Variants in ATP9B observed in about 807,000 individuals in gnomAD.
ATP9B encodes the protein ATPase phospholipid transporting 9B.
A neutral mutation model predicts 146.1 loss-of-function variants in ATP9B; 110 were observed. The observed-to-expected ratio is 0.75, with a 90% CI of 0.65 to 0.88. The LOEUF (loss-of-function observed/expected upper bound fraction) is 0.88, where lower values mean the gene tolerates loss of function less well. Ranked by LOEUF, ATP9B falls within the 40% of genes least tolerant of loss-of-function variation. The probability of loss-of-function intolerance (pLI) is 0.00; values close to 1 mark genes in which losing one functional copy is unlikely to be tolerated. For missense variants in ATP9B, 1,499 were observed against 1,496.4 expected, an observed-to-expected ratio of 1.00 and a Z score of -0.03; for synonymous variants, 604 against 569.7, an observed-to-expected ratio of 1.06 and a Z score of -0.86.
chr18:79,069,601 G>A, intron 1 of ATP9B, 72 bp downstream of exon 1: 1 of 1,036,770 alleles, frequency 9.6e-7, no homozygotes, highest in Non-Finnish European at 1.3e-6. Flanking sequence ...CAGGAACCCG[G>A]AGCCGGGCGG....
chr18:79,201,695 G>A (rs972712165), intron 9 of ATP9B, among the ~76,000 whole-genome samples: 13 of 152,000 alleles, frequency 8.6e-5, no homozygotes, highest in Middle Eastern at 3.2e-3. Flanking sequence ...TCAGCCTCCC[G>A]AGCAGTTGGG....
intron 6 of ATP9B, among the ~76,000 whole-genome samples, chr18:79,152,283 TC>T (rs2094702451): frequency 6.6e-6 from 1 of 152,234 alleles, no homozygotes; most frequent in South Asian, 2.1e-4. Flanking sequence ...CTAATAAGAT[TC>T]AATACTTTTT....
At position 79,374,595 on chromosome 18, in the gene ATP9B, C is replaced by T. The variant is rs187462385; in HGVS notation, c.3274+494C>T. Among the ~76,000 whole-genome samples the T allele has an allele frequency of 2.6e-5, 4 of 152,332 alleles. No individual in the cohort carries two copies. The East Asian group carries it at 5.8e-4, about 22-fold the overall frequency. On this transcript the variant is annotated intron_variant, in intron 28 of 29. Coordinates refer to ENST00000426216, the MANE Select transcript of ATP9B (RefSeq NM_198531.5). ...CCCTGACATGAGCAGCACAGCCACT[C>T]GGGAGCAGTTGGGACTCAGACCTGC...
At chr18:79,288,437 C>G (rs1223124393) in intron 13 of ATP9B, among the ~76,000 whole-genome samples, 2 of 152,046 alleles carry the variant, frequency 1.3e-5, no homozygotes, top group African/African-American at 4.8e-5. Flanking sequence ...GATTGCAACC[C>G]CTGCCTTTTT....
intron 8 of ATP9B, among the ~76,000 whole-genome samples, chr18:79,189,452 C>A (rs1019162703): frequency 6.6e-6 from 1 of 152,132 alleles, no homozygotes; most frequent in South Asian, 2.1e-4. Context: ...CAATCCCCCA[C>A]GCAGTCAAAC....
At chr18:79,183,515 C>G (rs1339073176) in intron 8 of ATP9B, among the ~76,000 whole-genome samples, 1 of 151,986 alleles carries the variant, frequency 6.6e-6, no homozygotes, top group Non-Finnish European at 1.5e-5. Context: ...TAAGTCTGTT[C>G]ATGTTATCTG....
In ATP9B at chr18:79,337,333, G is replaced by A. The variant is rs140060049; in HGVS notation, c.2167G>A (p.Ala723Thr). Residue 723 changes from alanine (A) to threonine (T), a missense_variant, in exon 19 of 30, where the codon GCG becomes ACG. By Grantham distance (58) the Ala-to-Thr change is moderately conservative (BLOSUM62 0). Coordinates refer to ENST00000426216, the MANE Select transcript of ATP9B (RefSeq NM_198531.5). ...GCACGACAGGTCCCTCAAGGTGGCC[G>A]CGGTAGTCGAGAGCCTGGAGAGGGA... ...SMHDRSLKVA[A>T]VVESLEREME... 56 of 1,614,100 alleles carry A rather than the reference G, an allele frequency of 3.5e-5. No individual in the cohort carries two copies. Among genetic ancestry groups the A allele is most frequent in the Middle Eastern group, 1.6e-4 (1 of 6,062 alleles).
chr18:79,328,024 A>G (rs1338295901), intron 15 of ATP9B, among the ~76,000 whole-genome samples: 1 of 147,922 alleles, frequency 6.8e-6, no homozygotes, highest in Non-Finnish European at 1.5e-5. Flanking sequence ...CTCCGTGGTT[A>G]GCGTGCTCTC....
At chr18:79,116,882 C>T (rs1260027532) in intron 4 of ATP9B, among the ~76,000 whole-genome samples, 1 of 111,726 alleles carries the variant, frequency 9.0e-6, no homozygotes, top group African/African-American at 3.7e-5. Flanking sequence ...TGTAACTAAC[C>T]TGCACAATGT....
intron 11 of ATP9B, among the ~76,000 whole-genome samples, chr18:79,214,619 A>G (rs1029535618): frequency 2.0e-5 from 3 of 152,354 alleles, no homozygotes; most frequent in South Asian, 2.1e-4. Flanking sequence ...TGCTATCATC[A>G]TGATACCATA....
chr18:79,099,207 C>A (rs574538816), intron 2 of ATP9B, among the ~76,000 whole-genome samples: 59 of 151,732 alleles, frequency 3.9e-4, no homozygotes, highest in African/African-American at 1.4e-3. Context: ...TTTCTTTTTT[C>A]TTTTCTTTTC....
At chr18:79,335,189 C>T (rs1347292581) in intron 17 of ATP9B, among the ~76,000 whole-genome samples, 2 of 152,226 alleles carry the variant, frequency 1.3e-5, no homozygotes, top group African/African-American at 2.4e-5. Flanking sequence ...TAACTATGAG[C>T]AGGCTCGTTC....
chr18:79,226,605 TC>T (rs917073926), intron 11 of ATP9B, among the ~76,000 whole-genome samples: 1 of 152,178 alleles, frequency 6.6e-6, no homozygotes, highest in African/African-American at 2.4e-5. Context: ...CCACGAGACT[TC>T]CCACGCCCTG....
intron 8 of ATP9B, among the ~76,000 whole-genome samples, chr18:79,178,612 T>A (rs914019561): frequency 6.6e-6 from 1 of 152,222 alleles, no homozygotes; most frequent in Non-Finnish European, 1.5e-5. Context: ...TTTCTGTATC[T>A]GTAGGGATGA....
At chr18:79,237,143 AG>A (rs2144591568) in intron 11 of ATP9B, among the ~76,000 whole-genome samples, 2 of 68,100 alleles carry the variant, frequency 2.9e-5, no homozygotes, top group East Asian at 4.7e-4. Flanking sequence ...TGCACGAGTC[AG>A]TGTCCACACC....
intron 9 of ATP9B, among the ~76,000 whole-genome samples, chr18:79,198,092 T>A (rs1203623364): frequency 2.0e-5 from 3 of 152,202 alleles, no homozygotes; most frequent in South Asian, 2.1e-4. Flanking sequence ...TATATTTTTT[T>A]AAAATTGCAA....
chr18:79,270,714 G>A (rs573587181), intron 12 of ATP9B, among the ~76,000 whole-genome samples: 4 of 151,976 alleles, frequency 2.6e-5, no homozygotes, highest in East Asian at 3.9e-4. Context: ...CATTAATCTC[G>A]GTGCTCACCT....
intron 29 of ATP9B, chr18:79,376,335 CAG>C (rs2097103291): frequency 1.0e-5 from 10 of 985,270 alleles, no homozygotes; most frequent in Non-Finnish European, 1.2e-5. Context: ...AATTCTGCCA[CAG>C]AGTGTTGTCC....
intron 13 of ATP9B, among the ~76,000 whole-genome samples, chr18:79,293,921 A>G (rs191969151): frequency 5.6e-4 from 85 of 152,318 alleles, no homozygotes; most frequent in African/African-American, 1.9e-3. Flanking sequence ...TGTGACAGCT[A>G]TCTGGTCTCC....
Sources: gnomAD v4.1 joint callset for allele counts (sites outside exome capture counted in the v4.1 genomes callset) on GRCh38, gnomAD v4.1.1 for gene constraint, MANE v1.5 for transcripts, NCBI Gene and HGNC (gene_info 2026-07-23, HGNC 2026-07-21) for gene names.